Variants in BMP8A observed in about 807,000 individuals in gnomAD.
BMP8A encodes BMP-8A.
Under a neutral mutation model 36.8 loss-of-function variants are expected in BMP8A, and 14 were observed. The ratio of observed to expected loss-of-function variants is 0.38; its 90% CI spans 0.25 to 0.60. The LOEUF (loss-of-function observed/expected upper bound fraction) is 0.60, where lower values mean the gene tolerates loss of function less well. Ranked by LOEUF, BMP8A falls within the 20% of genes least tolerant of loss-of-function variation. The probability of loss-of-function intolerance (pLI) is 0.63; values close to 1 mark genes in which losing one functional copy is unlikely to be tolerated. For missense variants in BMP8A, 267 were observed against 551.1 expected (o/e 0.48, Z 5.16); for synonymous variants, 120 against 237.7 (o/e 0.50, Z 4.55).
intron 1 of BMP8A, among the ~76,000 whole-genome samples, chr1:39,497,929 C>T (rs1645219831): frequency 6.6e-6 from 1 of 152,224 alleles, no homozygotes; most frequent in South Asian, 2.1e-4. Flanking sequence ...CAGGTCCCCA[C>T]AGGGCCCTGC....
Position 39,492,084 on chromosome 1 carries a change from TC to T in BMP8A, c.97del (p.Gln33SerfsTer74). ...CCGGCCTGCGACCCCCGCCCGGCTG[TC>T]CCCAGCGACGTCTGGGCGCGCGCGA... ...GPGLRPPPGCPQRRLGARERR... is the reference protein window; with the variant it reads ...GPGLRPPPGCXQRRLGARERR... On this transcript the variant is annotated frameshift_variant, in exon 1 of 7. Transcript: ENST00000331593. LOFTEE classifies it high-confidence loss of function. 1 of 1,145,226 alleles carries T rather than the reference TC, an allele frequency of 8.7e-7. No homozygotes were observed. Among genetic ancestry groups the T allele is most frequent in the East Asian group, 4.6e-5 (1 of 21,610 alleles). 70.9% of individuals were successfully genotyped at this position (1,145,226 alleles called of 1,614,324 possible).
Position 39,525,787 on chromosome 1 carries a change from G to A in BMP8A, c.1198G>A (p.Gly400Ser), listed in dbSNP as rs770474598. The A allele has an allele frequency of 2.2e-5, 35 of 1,613,938 alleles. No homozygotes were observed. The highest frequency in any genetic ancestry group is 3.3e-5 in the South Asian group (3 of 91,082). Residue 400 changes from glycine to serine, a missense_variant, in exon 7 of 7, where the codon GGC becomes AGC. Around this residue, in one of 7 missense-constraint regions of BMP8A, gnomAD observed 132 missense variants for 151.3 expected, o/e 0.87. Transcript: ENST00000331593. The part of the protein sequence containing the change: ...KHRNMVVKAC[G>S]CH Reference sequence around the variant, plus strand: ...CCGCAACATGGTGGTCAAGGCCTGCGGCTGCCACTGAGTCAGCCCGCCCAG... The same window carrying A: ...CCGCAACATGGTGGTCAAGGCCTGCAGCTGCCACTGAGTCAGCCCGCCCAG...
At chr1:39,517,916 G>A (rs1308159138) in intron 3 of BMP8A, among the ~76,000 whole-genome samples, 1 of 152,220 alleles carries the variant, frequency 6.6e-6, no homozygotes, top group Admixed American at 6.5e-5. Flanking sequence ...CTAACCAAGG[G>A]ACTAGATGAG....
rs1366851252 is a variant in BMP8A at position 39,491,804 on chromosome 1, G to A, written c.-188G>A. 6.1e-6 allele frequency: 2 copies of A among 326,610 alleles called. No individual in the cohort carries two copies. The highest frequency in any genetic ancestry group is 9.0e-6 in the Non-Finnish European group (2 of 221,130). The allele number at this position is 326,610 out of a possible 1,614,324, so 20.2% of individuals were successfully genotyped here. A position where few individuals can be genotyped will look rare whatever the true frequency, so the allele number is the denominator to read the frequency against. ...GGCGTCTGCGTCCGCGTCAGCGTCC[G>A]CTTGTCCCGGAGCCGGGGCAGGTGC... is the stretch of plus-strand genomic sequence containing the variant. On this transcript the variant is annotated 5_prime_UTR_variant, in exon 1 of 7. Transcript: ENST00000331593.
chr1:39,492,878 T>G (rs2124298381), intron 1 of BMP8A, among the ~76,000 whole-genome samples: 1 of 152,252 alleles, frequency 6.6e-6, no homozygotes, highest in South Asian at 2.1e-4. Context: ...GGGCAGGGAC[T>G]GTGGCCTTGT....
At chr1:39,519,721 AGG>A (rs1421610453) in intron 3 of BMP8A, among the ~76,000 whole-genome samples, 2 of 151,966 alleles carry the variant, frequency 1.3e-5, no homozygotes, top group African/African-American at 4.8e-5. Flanking sequence ...CTTGACCTGT[AGG>A]GTGTACTGGA....
At position 39,504,979 on chromosome 1, in the gene BMP8A, G is replaced by A. The variant is rs12029261; in HGVS notation, c.335-6195G>A. Among the ~76,000 whole-genome samples, 549 of 152,296 alleles carry A rather than the reference G, an allele frequency of 3.6e-3. 27 individuals are homozygous for A. The East Asian group carries it at 0.094, about 26-fold the overall frequency. On this transcript the variant is annotated intron_variant, in intron 1 of 6. Coordinates refer to ENST00000331593, the MANE Select transcript of BMP8A (RefSeq NM_181809.4). ...TCTCAATGCAGTAAAGAGCAGTATT[G>A]TCGCCAGCATGTCTCACCTCCAGCC...
intron 1 of BMP8A, among the ~76,000 whole-genome samples, chr1:39,494,458 T>A (rs1645187838): frequency 6.6e-6 from 1 of 151,678 alleles, no homozygotes. Context: ...TCCAGCAATC[T>A]TCCTCCCTCA....
chr1:39,511,127 A>G (rs748730162), intron 1 of BMP8A, 47 bp from the exon 2 acceptor site: 4 of 1,426,858 alleles, frequency 2.8e-6, no homozygotes, highest in South Asian at 2.6e-5. Flanking sequence ...CCCCCTCCAG[A>G]GCCCGAGCCA....
intron 1 of BMP8A, among the ~76,000 whole-genome samples, chr1:39,499,213 C>G (rs1422212557): frequency 1.3e-5 from 2 of 152,134 alleles, no homozygotes; most frequent in South Asian, 2.1e-4. Context: ...CCTTCTCAGT[C>G]GGACTGAGAG....
chr1:39,502,825 C>A (rs1192156353), intron 1 of BMP8A, among the ~76,000 whole-genome samples: 1 of 152,214 alleles, frequency 6.6e-6, no homozygotes, highest in Non-Finnish European at 1.5e-5. Flanking sequence ...GGGCAGATCA[C>A]CTGAGGTCAG....
intron 1 of BMP8A, among the ~76,000 whole-genome samples, chr1:39,506,986 A>G (rs532000885): frequency 6.6e-6 from 1 of 152,366 alleles, no homozygotes; most frequent in South Asian, 2.1e-4. Flanking sequence ...TCAGATCATG[A>G]GAAGGTAACA....
At chr1:39,499,071 C>G (rs1645231251) in intron 1 of BMP8A, among the ~76,000 whole-genome samples, 1 of 152,218 alleles carries the variant, frequency 6.6e-6, no homozygotes, top group African/African-American at 2.4e-5. Context: ...CCCATGTCCA[C>G]CCACATGGCT....
rs1645207117 is a variant in BMP8A, at chr1:39,496,579, G to A, written c.334+4254G>A. 2.6e-5 allele frequency among the ~76,000 whole-genome samples: 4 copies of A among 152,182 alleles called. No homozygotes were observed. The South Asian group carries it at 8.3e-4, about 31-fold the overall frequency. ...CTTGTGTGAGATGATACCCAGCGAT[G>A]CCCACGTGCCCAGAACCTCTGCATC... On this transcript the variant is annotated intron_variant, in intron 1 of 6. Transcript: ENST00000331593.
chr1:39,506,341 T>G (rs1178108103), intron 1 of BMP8A, among the ~76,000 whole-genome samples: 1 of 152,140 alleles, frequency 6.6e-6, no homozygotes, highest in African/African-American at 2.4e-5. Context: ...CCTGAGTAGC[T>G]GGGATTACAG....
At position 39,522,438 on chromosome 1, in the gene BMP8A, C is replaced by T. The variant is rs780954766; in HGVS notation, c.904C>T (p.Arg302Cys). 8.1e-6 allele frequency: 13 copies of T among 1,613,126 alleles called. No individual in the cohort carries two copies. The highest frequency in any genetic ancestry group is 2.2e-5 in the South Asian group (2 of 90,888). The change falls in exon 5 of 7, where the codon CGT (arginine) becomes TGT (cysteine). Residue 302 changes from arginine to cysteine, a missense_variant. Arg to Cys is a radical substitution (Grantham distance 180). Transcript: ENST00000331593. ...CGGCTCCCACGGCCGGCAGGTCTGC[C>T]GTCGGCACGAGCTCTACGTCAGCTT... ...VRGSHGRQVC[R>C]RHELYVSFQD...
chr1:39,529,251 C>T lies in BMP8A; in HGVS notation c.*3453C>T, dbSNP rs1406759403. 1 of 152,238 alleles carries T rather than the reference C, an allele frequency of 6.6e-6. No homozygotes were observed. Among genetic ancestry groups the T allele is most frequent in the Non-Finnish European group, 1.5e-5 (1 of 68,062 alleles). 9.4% of individuals were successfully genotyped at this position (152,238 alleles called of 1,614,324 possible). ...TCCTTGTGTGCCTTCCTCATAAAAC[C>T]CACTCCTCCCAGAATATGCTTAGAG... On this transcript the variant is annotated 3_prime_UTR_variant, in exon 7 of 7. Transcript: ENST00000331593.
chr1:39,523,241 C>G, intron 6 of BMP8A, 124 bp downstream of exon 6: 1 of 1,188,302 alleles, frequency 8.4e-7, no homozygotes, highest in Non-Finnish European at 1.2e-6. Context: ...TTTGTCTGCA[C>G]AGAGTCAGTA....
intron 3 of BMP8A, among the ~76,000 whole-genome samples, chr1:39,517,488 G>A (rs946509746): frequency 2.0e-5 from 3 of 151,560 alleles, no homozygotes; most frequent in African/African-American, 4.9e-5. Flanking sequence ...GCTAATTTTT[G>A]TATATATATT....
Sources: gnomAD v4.1 joint callset for allele counts (sites outside exome capture counted in the v4.1 genomes callset) on GRCh38, gnomAD v4.1.1 for gene constraint, gnomAD v4.1.1 regional missense constraint, MANE v1.5 for transcripts, NCBI Gene and HGNC (gene_info 2026-07-23, HGNC 2026-07-21) for gene names.